PLEKHA5: variants seen among roughly 807,000 people sequenced by gnomAD.
The protein encoded by PLEKHA5 is pleckstrin homology domain-containing family A member 5.
A neutral mutation model predicts 181.9 loss-of-function variants in PLEKHA5; 55 were observed. The observed-to-expected ratio is 0.30, with a 90% CI of 0.24 to 0.38. The LOEUF (loss-of-function observed/expected upper bound fraction) is 0.38. PLEKHA5 is among the 10% of genes least tolerant of loss of function. PLEKHA5 has a pLI of 1.00. For synonymous variants in PLEKHA5, 535 were observed against 529.4 expected, an observed-to-expected ratio of 1.01 and a Z score of -0.15; for missense variants, 1,432 against 1,549.5, an observed-to-expected ratio of 0.92 and a Z score of 1.27.
In PLEKHA5 at chr12:19,320,018, T is replaced by G; in HGVS notation, c.2119-3T>G. 1 of 1,343,396 alleles carries G rather than the reference T, an allele frequency of 7.4e-7. No individual in the cohort carries two copies. Among genetic ancestry groups the G allele is most frequent in the Non-Finnish European group, 1.0e-6 (1 of 984,010 alleles). The allele number at this position is 1,343,396 out of a possible 1,614,324, so 83.2% of individuals were successfully genotyped here. A position where few individuals can be genotyped will look rare whatever the true frequency, so the allele number is the denominator to read the frequency against. ...CCCATCCTTTTCCTTCATTATCTTT[T>G]AGTTCTTAAGACAGAAGAGCAAGAT... On this transcript the variant is annotated splice_region_variant and splice_polypyrimidine_tract_variant and intron_variant, in intron 16 of 31. Transcript: ENST00000429027.
At chr12:19,153,834 G>A (rs1294064493) in intron 3 of PLEKHA5, 1 of 152,056 alleles carries the variant, frequency 6.6e-6, no homozygotes, top group Non-Finnish European at 1.5e-5. Context: ...TTCTTCTCTT[G>A]TACTGTCATT....
intron 30 of PLEKHA5, among the ~76,000 whole-genome samples, chr12:19,369,282 G>T (rs1465400226): frequency 2.0e-5 from 3 of 151,154 alleles, no homozygotes; most frequent in African/African-American, 7.3e-5. Context: ...TGATCCGCCT[G>T]CCTCGGCCTC....
At chr12:19,306,085 A>G (rs2083412898) in intron 15 of PLEKHA5, among the ~76,000 whole-genome samples, 1 of 152,116 alleles carries the variant, frequency 6.6e-6, no homozygotes, top group South Asian at 2.1e-4. Flanking sequence ...GTCTAAAAAA[A>G]AAACAAGTTA....
At chr12:19,299,065 C>G (rs1025222435) in intron 15 of PLEKHA5, among the ~76,000 whole-genome samples, 8 of 152,208 alleles carry the variant, frequency 5.3e-5, no homozygotes, top group African/African-American at 1.9e-4. Flanking sequence ...TGACAAGCCT[C>G]CTTGGCATCC....
intron 18 of PLEKHA5, chr12:19,320,881 G>A (rs2090481751): frequency 4.6e-6 from 1 of 215,500 alleles, no homozygotes; most frequent in Non-Finnish European, 9.0e-6. Flanking sequence ...AGAAGTTACA[G>A]ATTGGCTGGA....
chr12:19,311,703 T>C (rs1457243763), intron 15 of PLEKHA5, among the ~76,000 whole-genome samples: 1 of 152,172 alleles, frequency 6.6e-6, no homozygotes, highest in African/African-American at 2.4e-5. Context: ...TCTTTTTATT[T>C]CCACCACATC....
chr12:19,304,911 A>C (rs1208638644), intron 15 of PLEKHA5, among the ~76,000 whole-genome samples: 1 of 152,076 alleles, frequency 6.6e-6, no homozygotes, highest in East Asian at 1.9e-4. Flanking sequence ...CCTGGCCAAC[A>C]TGGCGAAACC....
chr12:19,239,403 C>T (rs377603735), intron 3 of PLEKHA5, among the ~76,000 whole-genome samples: 1 of 152,246 alleles, frequency 6.6e-6, no homozygotes, highest in South Asian at 2.1e-4. Flanking sequence ...CTATTGGAAA[C>T]TGGGTTACTT....
chr12:19,149,783 G>A (rs2039938106), intron 3 of PLEKHA5: 1 of 152,200 alleles, frequency 6.6e-6, no homozygotes, highest in African/African-American at 2.4e-5. Context: ...TGCTGTGATT[G>A]ATGAAGACAG....
intron 15 of PLEKHA5, among the ~76,000 whole-genome samples, chr12:19,311,755 C>G (rs2086644285): frequency 6.6e-6 from 1 of 152,166 alleles, no homozygotes; most frequent in Non-Finnish European, 1.5e-5. Flanking sequence ...CCCTCAACCT[C>G]ATTCATGAGA....
intron 20 of PLEKHA5, among the ~76,000 whole-genome samples, chr12:19,332,117 T>C (rs2092903581): frequency 6.6e-6 from 1 of 151,884 alleles, no homozygotes; most frequent in Non-Finnish European, 1.5e-5. Context: ...AAACCCCAAA[T>C]TAAAAAATTA....
intron 16 of PLEKHA5, chr12:19,319,627 A>G (rs2090088600): frequency 5.7e-6 from 1 of 176,988 alleles, no homozygotes; most frequent in Non-Finnish European, 1.2e-5. Context: ...AATGAGCCCC[A>G]TTTAAATTTT....
intron 12 of PLEKHA5, among the ~76,000 whole-genome samples, chr12:19,285,608 C>T (rs888725279): frequency 3.3e-5 from 5 of 152,120 alleles, no homozygotes; most frequent in Non-Finnish European, 7.3e-5. Context: ...AGTGCAGAAG[C>T]GATGGTGAGT....
intron 16 of PLEKHA5, among the ~76,000 whole-genome samples, chr12:19,316,930 T>C (rs1166331583): frequency 1.3e-5 from 2 of 152,200 alleles, no homozygotes; most frequent in African/African-American, 4.8e-5. Flanking sequence ...AGAAATACAA[T>C]GGCAAAATGT....
chr12:19,262,889 A>C (rs760122646), intron 7 of PLEKHA5, among the ~76,000 whole-genome samples: 5 of 152,224 alleles, frequency 3.3e-5, no homozygotes, highest in African/African-American at 4.8e-5. Context: ...GGAAAAACAA[A>C]CAAACAAAAA....
rs116831597 is a variant in PLEKHA5, at chr12:19,139,483, G to A, written c.227+7033G>A. Among the ~76,000 whole-genome samples the A allele has an allele frequency of 2.2e-3, 341 of 152,252 alleles. 3 individuals carry two copies. The highest frequency in any genetic ancestry group is 8.0e-3 in the African/African-American group (331 of 41,530). ...CTAGCTATTTATAGATTCAGGCTGG[G>A]AATTTCATATTCATCCATCTAATTA... On this transcript the variant is annotated intron_variant, in intron 3 of 31. Transcript: ENST00000429027.
At chr12:19,280,735 CTTTTTTTTTTT>C (rs538185835) in intron 11 of PLEKHA5, among the ~76,000 whole-genome samples, 1 of 143,058 alleles carries the variant, frequency 7.0e-6, no homozygotes, top group African/African-American at 2.5e-5. Context: ...TTTTCTTTTT[CTTTTTTTTTTT>C]TTGAGACAGA....
intron 3 of PLEKHA5, among the ~76,000 whole-genome samples, chr12:19,185,552 C>A (rs971706744): frequency 6.6e-6 from 1 of 152,126 alleles, no homozygotes; most frequent in African/African-American, 2.4e-5. Flanking sequence ...CAGATAGATA[C>A]ACACTTTATC....
At chr12:19,223,057 A>G (rs2059213509) in intron 3 of PLEKHA5, among the ~76,000 whole-genome samples, 1 of 141,346 alleles carries the variant, frequency 7.1e-6, no homozygotes, top group African/African-American at 2.7e-5. Context: ...CCCTCCAGAT[A>G]GCTTTGCAGT....
Sources: gnomAD v4.1 joint callset for allele counts (sites outside exome capture counted in the v4.1 genomes callset) on GRCh38, gnomAD v4.1.1 for gene constraint, MANE v1.5 for transcripts, NCBI Gene and HGNC (gene_info 2026-07-23, HGNC 2026-07-21) for gene names.